Variants in CHN1 observed in about 807,000 individuals in gnomAD.
CHN1 encodes N-chimaerin.
CHN1 carries 37 observed loss-of-function variants against 59.5 expected under a neutral mutation model. The observed-to-expected ratio is 0.62, with a 90% CI of 0.48 to 0.82. The LOEUF is 0.82. Ranked by LOEUF, CHN1 falls within the 40% of genes least tolerant of loss-of-function variation. The probability of loss-of-function intolerance (pLI) is 0.00; values close to 1 mark genes in which losing one functional copy is unlikely to be tolerated. For synonymous variants in CHN1, 206 were observed against 200.4 expected (o/e 1.03, Z -0.24); for missense variants, 469 against 571.0 (o/e 0.82, Z 1.82).
intron 1 of CHN1, among the ~76,000 whole-genome samples, chr2:174,960,571 G>T (rs913578221): frequency 6.6e-6 from 1 of 152,022 alleles, no homozygotes; most frequent in African/African-American, 2.4e-5. Context: ...GGCCGGGCAC[G>T]GTGGCTCATG....
At chr2:174,884,116 C>G (rs1051726667) in intron 5 of CHN1, among the ~76,000 whole-genome samples, 18 of 151,702 alleles carry the variant, frequency 1.2e-4, no homozygotes, top group African/African-American at 9.7e-5. Flanking sequence ...CTACAGGCAC[C>G]CGCCACCATG....
chr2:174,843,759 T>C (rs1686396816), intron 7 of CHN1, among the ~76,000 whole-genome samples: 2 of 151,340 alleles, frequency 1.3e-5, no homozygotes, highest in Non-Finnish European at 1.5e-5. Context: ...CTACCATGTA[T>C]CTACATGTAC....
At chr2:174,851,947 A>G (rs1471600235) in intron 6 of CHN1, among the ~76,000 whole-genome samples, 1 of 152,174 alleles carries the variant, frequency 6.6e-6, no homozygotes, top group Non-Finnish European at 1.5e-5. Flanking sequence ...TAGCATTTCT[A>G]TACACCAATA....
At chr2:174,836,681 T>C (rs1361842711) in intron 7 of CHN1, among the ~76,000 whole-genome samples, 1 of 152,208 alleles carries the variant, frequency 6.6e-6, no homozygotes, top group African/African-American at 2.4e-5. Context: ...TTCTTATTTT[T>C]CATAAAAGCT....
rs142761646 is a variant in CHN1, at chr2:174,993,512, T to C, written c.19+11382A>G. Among the ~76,000 whole-genome samples, 570 of 150,948 alleles carry C rather than the reference T, an allele frequency of 3.8e-3. 4 individuals carry two copies. Among genetic ancestry groups the C allele is most frequent in the African/African-American group, 0.013 (546 of 41,076 alleles). ...GGCTGGGAAGAGATGAAAACAGACA[T>C]GTAGAAAGTGGAAGGGGAGCATACA... On this transcript the variant is annotated intron_variant, in intron 1 of 12. Coordinates refer to ENST00000409900, the MANE Select transcript of CHN1 (RefSeq NM_001822.7).
chr2:174,930,235 C>G (rs911680859), intron 3 of CHN1, among the ~76,000 whole-genome samples: 1 of 152,080 alleles, frequency 6.6e-6, no homozygotes, highest in Non-Finnish European at 1.5e-5. Context: ...ATGGATATGT[C>G]AGGTGAGACA....
chr2:174,959,429 A>C (rs546072845), intron 1 of CHN1, among the ~76,000 whole-genome samples: 25 of 152,168 alleles, frequency 1.6e-4, no homozygotes, highest in Non-Finnish European at 2.8e-4. Flanking sequence ...AGGAGGGGAC[A>C]CTGGGAGGGG....
In CHN1 at chr2:174,943,742, T is replaced by C. The variant is rs186682809; in HGVS notation, c.114+1146A>G. Among the ~76,000 whole-genome samples, 123 of 152,246 alleles carry C rather than the reference T, an allele frequency of 8.1e-4. 1 individual carries two copies. Among genetic ancestry groups the C allele is most frequent in the Admixed American group, 8.0e-3 (122 of 15,284 alleles). Reference sequence around the variant, plus strand: ...CTCTTCATCCACTCCTTATCATAATTATTATCATAATTATTTTACCAGTCT... The same window carrying C: ...CTCTTCATCCACTCCTTATCATAATCATTATCATAATTATTTTACCAGTCT... On this transcript the variant is annotated intron_variant, in intron 3 of 12. Transcript: ENST00000409900.
At chr2:174,923,171 C>T (rs1002429480) in intron 3 of CHN1, among the ~76,000 whole-genome samples, 7 of 151,128 alleles carry the variant, frequency 4.6e-5, no homozygotes, top group African/African-American at 1.2e-4. Context: ...GACGGAGTCT[C>T]GCTCTGTCAC....
intron 11 of CHN1, among the ~76,000 whole-genome samples, chr2:174,808,221 T>C (rs1175723278): frequency 6.6e-6 from 1 of 152,222 alleles, no homozygotes; most frequent in South Asian, 2.1e-4. Context: ...TAGAAACATA[T>C]AGTAATCTGA....
chr2:174,983,634 C>T (rs1691237061), intron 1 of CHN1, among the ~76,000 whole-genome samples: 1 of 151,932 alleles, frequency 6.6e-6, no homozygotes, highest in East Asian at 1.9e-4. Flanking sequence ...TTGAGACCAG[C>T]CTGGCCAATA....
chr2:174,885,394 T>C (rs373219282), intron 5 of CHN1, among the ~76,000 whole-genome samples: 35 of 152,212 alleles, frequency 2.3e-4, no homozygotes, highest in African/African-American at 8.2e-4. Flanking sequence ...ATTACCATGA[T>C]AGAGTGTTTG....
At chr2:174,904,292 A>G (rs1050115007) in intron 5 of CHN1, among the ~76,000 whole-genome samples, 1 of 152,100 alleles carries the variant, frequency 6.6e-6, no homozygotes, top group Non-Finnish European at 1.5e-5. Flanking sequence ...TAAAAAATAA[A>G]TTAAAAAAAT....
intron 1 of CHN1, among the ~76,000 whole-genome samples, chr2:174,992,121 CAGAA>C (rs1691564106): frequency 6.6e-6 from 1 of 152,110 alleles, no homozygotes; most frequent in African/African-American, 2.4e-5. Flanking sequence ...GGCAGAGCCA[CAGAA>C]AGAAAGAAGT....
At chr2:174,972,619 C>T (rs1690794402) in intron 1 of CHN1, among the ~76,000 whole-genome samples, 1 of 152,164 alleles carries the variant, frequency 6.6e-6, no homozygotes, top group Non-Finnish European at 1.5e-5. Flanking sequence ...ATGCAGCATT[C>T]AGACAATGGA....
At chr2:174,819,862 T>C (rs947865394) in intron 8 of CHN1, among the ~76,000 whole-genome samples, 1 of 131,928 alleles carries the variant, frequency 7.6e-6, no homozygotes, top group Non-Finnish European at 1.6e-5. Flanking sequence ...CCCCTTCCTG[T>C]GTCCATGTGT....
chr2:174,918,266 T>C (rs564775786), intron 4 of CHN1, among the ~76,000 whole-genome samples: 1 of 152,328 alleles, frequency 6.6e-6, no homozygotes, highest in East Asian at 1.9e-4. Flanking sequence ...TATGTACATT[T>C]TCCTCATATA....
At chr2:174,801,684 A>G (rs746468265) in intron 12 of CHN1, 23 bp downstream of exon 12, 9 of 1,567,738 alleles carry the variant, frequency 5.7e-6, no homozygotes, top group Non-Finnish European at 7.9e-6. Context: ...ATACAAGTGT[A>G]AGACTCAAAG....
intron 8 of CHN1, 77 bp from the exon 9 acceptor site, chr2:174,812,559 A>C (rs933977010): frequency 1.7e-4 from 234 of 1,396,534 alleles, no homozygotes; most frequent in Non-Finnish European, 2.2e-4. Context: ...TAATTTTAGC[A>C]AAAGGCACTC....
Sources: gnomAD v4.1 joint callset for allele counts (sites outside exome capture counted in the v4.1 genomes callset) on GRCh38, gnomAD v4.1.1 for gene constraint, MANE v1.5 for transcripts, NCBI Gene and HGNC (gene_info 2026-07-23, HGNC 2026-07-21) for gene names.